CTNNBL1: variants seen among roughly 807,000 people sequenced by gnomAD.
CTNNBL1 encodes the protein beta-catenin-like protein 1.
CTNNBL1 carries 31 observed loss-of-function variants against 72.7 expected under a neutral mutation model. That is an observed-to-expected ratio of 0.43 (90% CI 0.32 to 0.58). The LOEUF is 0.58. Ranked by LOEUF, CTNNBL1 falls within the 20% of genes least tolerant of loss-of-function variation. The pLI, the probability that CTNNBL1 is intolerant of heterozygous loss-of-function variation, is 0.08. For missense variants in CTNNBL1, 534 were observed against 725.1 expected (o/e 0.74, Z 3.03); for synonymous variants, 240 against 267.3 (o/e 0.90, Z 1.00).
At chr20:37,794,429 G>A (rs953197587) in intron 10 of CTNNBL1, among the ~76,000 whole-genome samples, 4 of 152,000 alleles carry the variant, frequency 2.6e-5, no homozygotes, top group Non-Finnish European at 5.9e-5. Context: ...CGATTCCTGG[G>A]CCTCAGCCTC....
chr20:37,830,184 A>G (rs561108963), intron 11 of CTNNBL1, among the ~76,000 whole-genome samples: 1 of 152,122 alleles, frequency 6.6e-6, no homozygotes, highest in South Asian at 2.1e-4. Flanking sequence ...AAATTTGTAT[A>G]TTTAAGGTAT....
At chr20:37,717,583 G>T (rs148611908) in intron 1 of CTNNBL1, among the ~76,000 whole-genome samples, 3 of 152,050 alleles carry the variant, frequency 2.0e-5, no homozygotes, top group Non-Finnish European at 4.4e-5. Flanking sequence ...GTTTCTCCAA[G>T]TGATATGAGG....
At chr20:37,781,482 A>T (rs1029147847) in intron 10 of CTNNBL1, among the ~76,000 whole-genome samples, 1 of 152,158 alleles carries the variant, frequency 6.6e-6, no homozygotes, top group Non-Finnish European at 1.5e-5. Flanking sequence ...GCTCCAAAAA[A>T]CTTAGAAACT....
At chr20:37,821,321 C>G (rs2072105283) in intron 11 of CTNNBL1, among the ~76,000 whole-genome samples, 1 of 152,234 alleles carries the variant, frequency 6.6e-6, no homozygotes, top group Non-Finnish European at 1.5e-5. Flanking sequence ...TAGGCAAGAA[C>G]TATGCCTTAC....
At chr20:37,800,475 C>T (rs1026955884) in intron 10 of CTNNBL1, among the ~76,000 whole-genome samples, 80 of 152,234 alleles carry the variant, frequency 5.3e-4, no homozygotes, top group African/African-American at 1.7e-3. Flanking sequence ...ATCTGGTGGC[C>T]GTTTATTTTG....
chr20:37,851,790 C>A (rs537823283), intron 13 of CTNNBL1, among the ~76,000 whole-genome samples: 1 of 152,162 alleles, frequency 6.6e-6, no homozygotes, highest in Non-Finnish European at 1.5e-5. Context: ...CGGTGACTGG[C>A]GCTTAGTAAG....
intron 11 of CTNNBL1, among the ~76,000 whole-genome samples, chr20:37,831,889 C>G (rs189471444): frequency 6.6e-6 from 1 of 152,276 alleles, no homozygotes; most frequent in African/African-American, 2.4e-5. Flanking sequence ...CTTTACAGAT[C>G]ACACATTGTA....
chr20:37,842,492 A>AC, intron 13 of CTNNBL1, 73 bp downstream of exon 13: 2 of 976,960 alleles, frequency 2.0e-6, no homozygotes, highest in Non-Finnish European at 3.3e-6. Flanking sequence ...TCCTCCCATC[A>AC]CCCCACAGGA....
At position 37,844,344 on chromosome 20, in the gene CTNNBL1, A is replaced by G. The variant is rs532011178; in HGVS notation, c.1392+1925A>G. Among the ~76,000 whole-genome samples the G allele has an allele frequency of 2.0e-5, 3 of 152,266 alleles. No individual in the cohort carries two copies. In the South Asian group the frequency reaches 6.2e-4, roughly 32 times the overall value. Reference sequence around the variant, plus strand: ...GCCTCAGTTTCTGGCCTATAAAGTGATACTAGCCAAGGTGATCCAACCCCT... The same window carrying G: ...GCCTCAGTTTCTGGCCTATAAAGTGGTACTAGCCAAGGTGATCCAACCCCT... On this transcript the variant is annotated intron_variant, in intron 13 of 15. Coordinates refer to ENST00000361383, the MANE Select transcript of CTNNBL1 (RefSeq NM_030877.5).
chr20:37,817,846 A>C (rs1312741456), intron 11 of CTNNBL1, among the ~76,000 whole-genome samples: 2 of 152,234 alleles, frequency 1.3e-5, no homozygotes, highest in African/African-American at 4.8e-5. Flanking sequence ...TAGATGCTTA[A>C]CAAATGTAAG....
intron 10 of CTNNBL1, among the ~76,000 whole-genome samples, chr20:37,780,142 G>A (rs1373387930): frequency 6.7e-6 from 1 of 149,866 alleles, no homozygotes; most frequent in Non-Finnish European, 1.5e-5. Flanking sequence ...AGAGGAGCAA[G>A]TTGAGATTTA....
intron 10 of CTNNBL1, among the ~76,000 whole-genome samples, chr20:37,786,450 C>A (rs560310239): frequency 1.3e-5 from 2 of 152,260 alleles, no homozygotes; most frequent in African/African-American, 4.8e-5. Flanking sequence ...TACTCTATTG[C>A]GACTGAGCTG....
At chr20:37,744,335 G>A (rs949786524) in intron 3 of CTNNBL1, among the ~76,000 whole-genome samples, 6 of 152,172 alleles carry the variant, frequency 3.9e-5, no homozygotes, top group African/African-American at 1.2e-4. Context: ...TAAGTCATGT[G>A]TACTCTTTGA....
At chr20:37,781,037 G>A (rs1339548944) in intron 10 of CTNNBL1, among the ~76,000 whole-genome samples, 1 of 152,106 alleles carries the variant, frequency 6.6e-6, no homozygotes, top group East Asian at 1.9e-4. Flanking sequence ...GTCTTCCTTT[G>A]AGGAATTGCT....
At position 37,720,058 on chromosome 20, in the gene CTNNBL1, T is replaced by C. The variant is rs6122908; in HGVS notation, c.31-12821T>C. Among the ~76,000 whole-genome samples the C allele has an allele frequency of 2.8e-3, 427 of 152,090 alleles. 5 individuals are homozygous for C. The highest frequency in any genetic ancestry group is 0.017 in the East Asian group (88 of 5,178). ...TTTATTTATTTTTGAGACAGAGTCTTGCTCTGTTGCCCAGGCTGGAGTGCA... is the reference window on the plus strand; with the variant it reads ...TTTATTTATTTTTGAGACAGAGTCTCGCTCTGTTGCCCAGGCTGGAGTGCA... On this transcript the variant is annotated intron_variant, in intron 1 of 15. Coordinates refer to ENST00000361383, the MANE Select transcript of CTNNBL1 (RefSeq NM_030877.5).
chr20:37,821,772 G>C (rs2072110467), intron 11 of CTNNBL1, among the ~76,000 whole-genome samples: 1 of 152,210 alleles, frequency 6.6e-6, no homozygotes, highest in South Asian at 2.1e-4. Context: ...CTTAGAACCA[G>C]ATAATTTTTT....
At chr20:37,767,666 C>G (rs1184174524) in intron 6 of CTNNBL1, among the ~76,000 whole-genome samples, 2 of 152,118 alleles carry the variant, frequency 1.3e-5, no homozygotes, top group Non-Finnish European at 2.9e-5. Flanking sequence ...AGATACCCAC[C>G]CTTTTGTGTG....
At chr20:37,852,344 CTGT>C (rs1355350460) in intron 13 of CTNNBL1, among the ~76,000 whole-genome samples, 7 of 152,326 alleles carry the variant, frequency 4.6e-5, no homozygotes, top group African/African-American at 1.4e-4. Context: ...TTGCATGCCC[CTGT>C]TGTCTTAAAA....
chr20:37,833,318 G>A (rs1749587875), intron 11 of CTNNBL1, among the ~76,000 whole-genome samples: 1 of 152,182 alleles, frequency 6.6e-6, no homozygotes, highest in African/African-American at 2.4e-5. Context: ...GAGAAGCCCT[G>A]AAGAGAGCTG....
Sources: allele counts gnomAD v4.1 joint callset (sites outside exome capture counted in the v4.1 genomes callset), GRCh38; gene constraint gnomAD v4.1.1; transcripts MANE v1.5; gene names NCBI Gene and HGNC (gene_info 2026-07-23, HGNC 2026-07-21).